ARHGAP15: variants seen among roughly 807,000 people sequenced by gnomAD.
The protein encoded by ARHGAP15 is rho GTPase-activating protein 15.
A neutral mutation model predicts 63.7 loss-of-function variants in ARHGAP15; 51 were observed. The observed-to-expected ratio is 0.80, with a 90% CI of 0.64 to 1.01. ARHGAP15 has a LOEUF of 1.01. Ranked by LOEUF, ARHGAP15 falls within the 50% of genes least tolerant of loss-of-function variation. The pLI, the probability that ARHGAP15 is intolerant of heterozygous loss-of-function variation, is 0.00. For missense variants in ARHGAP15, 560 were observed against 564.6 expected, an observed-to-expected ratio of 0.99 and a Z score of 0.08; for synonymous variants, 191 against 193.8, an observed-to-expected ratio of 0.99 and a Z score of 0.12.
chr2:143,207,640 G>A (rs749621394), intron 3 of ARHGAP15, among the ~76,000 whole-genome samples: 5 of 151,862 alleles, frequency 3.3e-5, no homozygotes, highest in Non-Finnish European at 7.4e-5. Flanking sequence ...TGTGAACATG[G>A]ATAACATTCA....
At chr2:143,175,783 A>C (rs976164368) in intron 2 of ARHGAP15, among the ~76,000 whole-genome samples, 1 of 152,080 alleles carries the variant, frequency 6.6e-6, no homozygotes, top group African/African-American at 2.4e-5. Flanking sequence ...CAATATCTCT[A>C]AGGCTATTAA....
chr2:143,336,823 T>C (rs113710554), intron 6 of ARHGAP15, among the ~76,000 whole-genome samples: 6 of 152,290 alleles, frequency 3.9e-5, no homozygotes, highest in African/African-American at 1.2e-4. Flanking sequence ...CTTTTTGAAT[T>C]ATTGTCACAT....
intron 13 of ARHGAP15, among the ~76,000 whole-genome samples, chr2:143,706,152 C>T (rs1336551209): frequency 3.3e-5 from 5 of 152,124 alleles, no homozygotes; most frequent in South Asian, 2.1e-4. Flanking sequence ...TAATTATGCA[C>T]GAGTGTGTGC....
chr2:143,193,025 C>T (rs1019679845), intron 2 of ARHGAP15, among the ~76,000 whole-genome samples: 4 of 152,170 alleles, frequency 2.6e-5, no homozygotes, highest in African/African-American at 9.7e-5. Flanking sequence ...GTGAATTCTT[C>T]CCTTTCATCT....
At chr2:143,171,989 CTCTCT>C in intron 2 of ARHGAP15, 1 of 152,016 alleles carries the variant, frequency 6.6e-6, no homozygotes, top group Admixed American at 6.6e-5. Flanking sequence ...TTCCTATTGC[CTCTCT>C]TCTCATGGCC....
At chr2:143,422,237 C>T (rs920712816) in intron 6 of ARHGAP15, among the ~76,000 whole-genome samples, 3 of 152,058 alleles carry the variant, frequency 2.0e-5, no homozygotes, top group East Asian at 3.9e-4. Flanking sequence ...CCTTAATGTC[C>T]TACTCCCCAG....
intron 12 of ARHGAP15, among the ~76,000 whole-genome samples, chr2:143,641,686 T>C (rs1313522655): frequency 2.6e-5 from 4 of 152,182 alleles, no homozygotes; most frequent in Non-Finnish European, 1.5e-5. Flanking sequence ...TGTAAAGAAC[T>C]ATTTATGATA....
intron 12 of ARHGAP15, among the ~76,000 whole-genome samples, chr2:143,679,525 T>C (rs1189349929): frequency 2.0e-5 from 3 of 152,200 alleles, no homozygotes; most frequent in African/African-American, 7.2e-5. Context: ...TTCTTCTCTA[T>C]CTAGTCTCCT....
intron 4 of ARHGAP15, among the ~76,000 whole-genome samples, chr2:143,221,320 G>A (rs530587999): frequency 2.6e-5 from 4 of 151,984 alleles, no homozygotes; most frequent in Middle Eastern, 6.8e-3. Flanking sequence ...ATATAAGCAG[G>A]AGATGGTAAA....
At chr2:143,563,862 A>C (rs1164757893) in intron 11 of ARHGAP15, 1 of 152,410 alleles carries the variant, frequency 6.6e-6, no homozygotes, top group East Asian at 1.9e-4. Context: ...ATTGTACTGC[A>C]TATCTCCTGC....
At chr2:143,586,167 T>TA (rs1697099330) in intron 11 of ARHGAP15, among the ~76,000 whole-genome samples, 1 of 152,170 alleles carries the variant, frequency 6.6e-6, no homozygotes, top group African/African-American at 2.4e-5. Context: ...TAGTATGATT[T>TA]ACCTGTGCTG....
chr2:143,514,166 T>C (rs1400999796), intron 9 of ARHGAP15, among the ~76,000 whole-genome samples: 2 of 152,228 alleles, frequency 1.3e-5, no homozygotes, highest in East Asian at 3.8e-4. Context: ...CTGTAGGAGA[T>C]GGTGCATCAT....
At chr2:143,634,207 T>C (rs1402877598) in intron 12 of ARHGAP15, among the ~76,000 whole-genome samples, 3 of 152,052 alleles carry the variant, frequency 2.0e-5, no homozygotes, top group Admixed American at 6.6e-5. Flanking sequence ...ATTGAAAGTC[T>C]TTGACTGCTC....
At chr2:143,610,841 G>C (rs1267571093) in intron 11 of ARHGAP15, among the ~76,000 whole-genome samples, 1 of 151,956 alleles carries the variant, frequency 6.6e-6, no homozygotes, top group Non-Finnish European at 1.5e-5. Flanking sequence ...CAATTCTCCT[G>C]TTTCAGCCTC....
At chr2:143,667,988 AAAAAATACATATATAAAAATATATTTTTT>A (rs1425474774) in intron 12 of ARHGAP15, among the ~76,000 whole-genome samples, 2 of 152,096 alleles carry the variant, frequency 1.3e-5, no homozygotes, top group Non-Finnish European at 2.9e-5. Context: ...ACCCTGTCTC[AAAAAATACATATATAAAAATATATTTTTT>A]AAAAATACAT....
At chr2:143,604,672 A>G (rs1697912859) in intron 11 of ARHGAP15, among the ~76,000 whole-genome samples, 1 of 152,150 alleles carries the variant, frequency 6.6e-6, no homozygotes, top group African/African-American at 2.4e-5. Context: ...TGATACATGT[A>G]TGTTATATAT....
chr2:143,731,211 T>C (rs1307140259), intron 13 of ARHGAP15, among the ~76,000 whole-genome samples: 1 of 152,142 alleles, frequency 6.6e-6, no homozygotes, highest in East Asian at 1.9e-4. Flanking sequence ...CTTTAAATTG[T>C]GGAAAGAAAA....
At chr2:143,722,144 C>G (rs1180092115) in intron 13 of ARHGAP15, among the ~76,000 whole-genome samples, 1 of 151,862 alleles carries the variant, frequency 6.6e-6, no homozygotes, top group Non-Finnish European at 1.5e-5. Flanking sequence ...TTCTTAATGA[C>G]AGAATTCACT....
chr2:143,268,954 A>C (rs1358317174), intron 6 of ARHGAP15, among the ~76,000 whole-genome samples: 1 of 152,150 alleles, frequency 6.6e-6, no homozygotes, highest in African/African-American at 2.4e-5. Flanking sequence ...TATATTCCAA[A>C]GTGTTATAAA....
Sources: gnomAD v4.1 joint callset for allele counts (sites outside exome capture counted in the v4.1 genomes callset) on GRCh38, gnomAD v4.1.1 for gene constraint, MANE v1.5 for transcripts, NCBI Gene and HGNC (gene_info 2026-07-23, HGNC 2026-07-21) for gene names.